The following FAM20B variants were observed in gnomAD, a reference collection of about 807,000 sequenced individuals.
FAM20B encodes FAM20B glycosaminoglycan xylosylkinase.
A neutral mutation model predicts 43.8 loss-of-function variants in FAM20B; 23 were observed. The observed-to-expected ratio is 0.53, with a 90% confidence interval of 0.38 to 0.74. FAM20B has a LOEUF of 0.74. Ranked by LOEUF, FAM20B falls within the 30% of genes least tolerant of loss-of-function variation. The pLI, the probability that FAM20B is intolerant of heterozygous loss-of-function variation, is 0.00. For missense variants in FAM20B, 440 were observed against 510.5 expected (o/e 0.86, Z 1.33); for synonymous variants, 178 against 192.4 (o/e 0.93, Z 0.62).
intron 4 of FAM20B, among the ~76,000 whole-genome samples, chr1:179,062,067 C>T (rs1252705444): frequency 1.3e-5 from 2 of 151,800 alleles, no homozygotes; most frequent in South Asian, 2.1e-4. Flanking sequence ...AGTGCAGTGG[C>T]GCAATCTCGG....
Position 179,036,555 on chromosome 1 carries a change from G to A in FAM20B, c.-133-7160G>A, listed in dbSNP as rs192825682. ...TAGTTTGAATATACCCAGTGAATTTGCGTTTATTTCCTTAGTGTCTGAAAT... is the reference window on the plus strand; with the variant it reads ...TAGTTTGAATATACCCAGTGAATTTACGTTTATTTCCTTAGTGTCTGAAAT... On this transcript the variant is annotated intron_variant, in intron 1 of 7. Coordinates refer to ENST00000263733, the MANE Select transcript of FAM20B (RefSeq NM_014864.4). 9.8e-4 allele frequency among the ~76,000 whole-genome samples: 149 copies of A among 152,258 alleles called. 1 individual carries two copies. Among genetic ancestry groups the A allele is most frequent in the East Asian group, 1.9e-4 (1 of 5,176 alleles).
intron 2 of FAM20B, among the ~76,000 whole-genome samples, chr1:179,044,506 G>T (rs1000761117): frequency 6.6e-6 from 1 of 152,080 alleles, no homozygotes; most frequent in Non-Finnish European, 1.5e-5. Context: ...TACTATCTCC[G>T]TAGTTTTGCC....
chr1:179,049,880 AG>A (rs1253743307), intron 2 of FAM20B, among the ~76,000 whole-genome samples: 5 of 152,138 alleles, frequency 3.3e-5, no homozygotes, highest in Non-Finnish European at 7.4e-5. Context: ...TCATTTCTTC[AG>A]GTCAGTCTAA....
chr1:179,036,679 C>A (rs1650241603), intron 1 of FAM20B, among the ~76,000 whole-genome samples: 1 of 152,196 alleles, frequency 6.6e-6, no homozygotes, highest in African/African-American at 2.4e-5. Context: ...GTCTCTGGTA[C>A]TTTCTCCTCT....
chr1:179,047,711 C>G (rs1481197718), intron 2 of FAM20B, among the ~76,000 whole-genome samples: 1 of 152,216 alleles, frequency 6.6e-6, no homozygotes, highest in African/African-American at 2.4e-5. Flanking sequence ...GAAATTGACT[C>G]CAGTCCCTAA....
intron 1 of FAM20B, among the ~76,000 whole-genome samples, chr1:179,039,743 T>A (rs553458460): frequency 0.038 from 2,312 of 61,076 alleles, 30 homozygotes; most frequent in African/African-American, 0.1. Flanking sequence ...TTATTTATTA[T>A]TTTTTTTTAT....
chr1:179,035,441 G>T lies in FAM20B; in HGVS notation c.-133-8274G>T, dbSNP rs191761790. 1,168 of 707,664 alleles carry T rather than the reference G, an allele frequency of 1.7e-3. 14 individuals carry two copies. In the African/African-American group the frequency reaches 0.018, roughly 11 times the overall value. The allele number at this position is 707,664 out of a possible 1,614,324, so 43.8% of individuals were successfully genotyped here. On this transcript the variant is annotated intron_variant, in intron 1 of 7. Transcript: ENST00000263733. ...TGAATTGCACAATTCACACAGTAATGTAGCTTCACAAACAGCTTGGGAAGC... is the reference window on the plus strand; with the variant it reads ...TGAATTGCACAATTCACACAGTAATTTAGCTTCACAAACAGCTTGGGAAGC...
chr1:179,047,724 A>T (rs1000094800), intron 2 of FAM20B, among the ~76,000 whole-genome samples: 5 of 152,128 alleles, frequency 3.3e-5, no homozygotes, highest in African/African-American at 1.2e-4. Context: ...GTCCCTAAAC[A>T]CCCAGCAAAA....
intron 1 of FAM20B, among the ~76,000 whole-genome samples, chr1:179,040,032 A>G (rs1297659252): frequency 6.6e-6 from 1 of 152,188 alleles, no homozygotes; most frequent in African/African-American, 2.4e-5. Flanking sequence ...CATGTTTCAG[A>G]GAGCACAGGG....
intron 1 of FAM20B, among the ~76,000 whole-genome samples, chr1:179,036,866 C>T (rs1650253359): frequency 6.6e-6 from 1 of 152,086 alleles, no homozygotes; most frequent in African/African-American, 2.4e-5. Context: ...TTAGAGATGG[C>T]CTTGGAGATG....
chr1:179,062,950 T>G (rs1045735272), intron 4 of FAM20B, among the ~76,000 whole-genome samples: 6 of 152,136 alleles, frequency 3.9e-5, no homozygotes, highest in African/African-American at 1.4e-4. Context: ...TCAGCCCTAA[T>G]GAAGAAGAGG....
intron 4 of FAM20B, among the ~76,000 whole-genome samples, chr1:179,061,628 C>G (rs1651469863): frequency 6.6e-6 from 1 of 152,148 alleles, no homozygotes; most frequent in Admixed American, 6.5e-5. Context: ...AGGCTGGTCT[C>G]GAATTCCTGG....
At chr1:179,030,488 T>A (rs1236705878) in intron 1 of FAM20B, among the ~76,000 whole-genome samples, 2 of 152,190 alleles carry the variant, frequency 1.3e-5, no homozygotes, top group Non-Finnish European at 2.9e-5. Context: ...TCCCAGCCGA[T>A]ACTAGGAACC....
chr1:179,063,606 AAAAC>A (rs1334838364), intron 4 of FAM20B, among the ~76,000 whole-genome samples: 4 of 152,200 alleles, frequency 2.6e-5, no homozygotes, highest in Admixed American at 1.3e-4. Context: ...AACAACAACA[AAAAC>A]AAAACAAACA....
chr1:179,049,633 C>G (rs1462276864), intron 2 of FAM20B, among the ~76,000 whole-genome samples: 2 of 152,188 alleles, frequency 1.3e-5, no homozygotes, highest in African/African-American at 4.8e-5. Flanking sequence ...CTCCGCCTCC[C>G]AGGTTCAAGC....
At chr1:179,032,313 C>CTTTTTTTTTTTTTTTTT (rs547439601) in intron 1 of FAM20B, among the ~76,000 whole-genome samples, 1 of 111,936 alleles carries the variant, frequency 8.9e-6, no homozygotes. Flanking sequence ...AGGTCTCATT[C>CTTTTTTTTTTTTTTTTT]TTTTTTTTTT....
In FAM20B at chr1:179,064,366, C is replaced by A. The variant is rs140406781; in HGVS notation, c.808C>A (p.Pro270Thr). The stretch of plus-strand genomic sequence containing the variant: ...GAAAACGTCCCCTTATGACTCTGGC[C>A]CGCGCCTCTTGGACATCATTGACAC... The part of the protein sequence containing the change: ...VKKTSPYDSG[P>T]RLLDIIDTAV... Residue 270 changes from proline to threonine, a missense_variant, in exon 6 of 8, where the codon CCG (proline) becomes ACG (threonine). By Grantham distance (38) the Pro-to-Thr change is conservative. Transcript: ENST00000263733. 1 of 1,614,096 alleles carries A rather than the reference C, an allele frequency of 6.2e-7. No individual in the cohort carries two copies. The highest frequency in any genetic ancestry group is 8.5e-7 in the Non-Finnish European group (1 of 1,179,968).
At chr1:179,038,272 G>A (rs1002325572) in intron 1 of FAM20B, among the ~76,000 whole-genome samples, 16 of 152,058 alleles carry the variant, frequency 1.1e-4, no homozygotes, top group Admixed American at 1.3e-4. Flanking sequence ...TTAGCTGGGC[G>A]TGGTGGCGCA....
chr1:179,050,389 T>C lies in FAM20B; in HGVS notation c.464+24T>C, dbSNP rs780931438. 3 of 1,579,894 alleles carry C rather than the reference T, an allele frequency of 1.9e-6. No individual in the cohort carries two copies. The African/African-American group carries it at 4.0e-5, about 21-fold the overall frequency. On this transcript the variant is annotated intron_variant, in intron 3 of 7. Coordinates refer to ENST00000263733, the MANE Select transcript of FAM20B (RefSeq NM_014864.4). ...AGGTGCGTATGATCACAGCAGCTTA[T>C]GTTCATTTTGTTTGCTTTCAAAAAT...
Sources: gnomAD v4.1 joint callset for allele counts (sites outside exome capture counted in the v4.1 genomes callset) on GRCh38, gnomAD v4.1.1 for gene constraint, MANE v1.5 for transcripts, NCBI Gene and HGNC (gene_info 2026-07-23, HGNC 2026-07-21) for gene names.